The following CATSPER4 variants were observed in gnomAD, a reference collection of about 807,000 sequenced individuals.
CATSPER4 encodes cation channel sperm associated 4, also known as cation channel sperm-associated protein 4.
In CATSPER4, 46 loss-of-function variants were observed where a neutral mutation model predicts 54.4. The observed-to-expected ratio is 0.84, with a 90% CI of 0.67 to 1.08. The LOEUF is 1.08. Among genes scored for constraint, CATSPER4 ranks in the 50% least tolerant of loss-of-function variants. The pLI is 0.00. For synonymous variants in CATSPER4, 230 were observed against 231.9 expected (o/e 0.99, Z 0.08); for missense variants, 574 against 612.8 (o/e 0.94, Z 0.67).
Position 26,201,438 on chromosome 1 carries a change from G to GT in CATSPER4, c.1286dup (p.Leu429PhefsTer24). ...ACAGGCGCTCGTCGACGAGCGGGTC[G>GT]TTGGAGACTACGTCATCCAAGGACA... is the stretch of plus-strand genomic sequence containing the variant. On this transcript the variant is annotated frameshift_variant, in exon 9 of 10. Coordinates refer to ENST00000456354, the MANE Select transcript of CATSPER4 (RefSeq NM_198137.2). LOFTEE classifies it high-confidence loss of function. The GT allele has an allele frequency of 6.2e-7, 1 of 1,613,910 alleles. No homozygotes were observed. The highest frequency in any genetic ancestry group is 2.2e-5 in the East Asian group (1 of 44,838).
chr1:26,198,397 G>C lies in CATSPER4; in HGVS notation c.790G>C (p.Val264Leu). 6.2e-7 allele frequency: 1 copy of C among 1,614,190 alleles called. No homozygotes were observed. The highest frequency in any genetic ancestry group is 8.5e-7 in the Non-Finnish European group (1 of 1,180,034). The change falls in exon 6 of 10, where the codon GTG becomes CTG. Residue 264 changes from valine to leucine, a missense_variant. By Grantham distance (32) the Val-to-Leu change is conservative. Transcript: ENST00000456354. The part of the protein sequence containing the change: ...LFICITQDGW[V>L]DIYSDFQTEK... Reference sequence around the variant, plus strand: ...CATCTGCATCACCCAGGACGGCTGGGTGGACATCTACAGTGACTTCCAGTG... The same window carrying C: ...CATCTGCATCACCCAGGACGGCTGGCTGGACATCTACAGTGACTTCCAGTG...
rs1445906332 is a variant in CATSPER4 at position 26,195,587 on chromosome 1, G to A, written c.459+1699G>A. Among the ~76,000 whole-genome samples, 12 of 150,100 alleles carry A rather than the reference G, an allele frequency of 8.0e-5. No homozygotes were observed. The South Asian group carries it at 2.1e-3, about 26-fold the overall frequency. ...GCGATCTCGGCTCACTGCAAGCTCT[G>A]CCTCCCCGGGTTCACACCATTCTTC... is the stretch of plus-strand genomic sequence containing the variant. On this transcript the variant is annotated intron_variant, in intron 3 of 9. Coordinates refer to ENST00000456354, the MANE Select transcript of CATSPER4 (RefSeq NM_198137.2).
chr1:26,198,588 C>T (rs529586631), intron 6 of CATSPER4, among the ~76,000 whole-genome samples, 169 bp downstream of exon 6: 2 of 152,196 alleles, frequency 1.3e-5, no homozygotes, highest in Non-Finnish European at 2.9e-5. Flanking sequence ...ACTTGTGATA[C>T]CTGAAGCCTT....
Position 26,191,308 on chromosome 1 carries a change from T to C in CATSPER4, c.235T>C (p.Phe79Leu). ...NKADAWDMQE[F>L]ITHMYIKQLL... is the part of the protein sequence containing the mutation. The stretch of plus-strand genomic sequence containing the variant: ...CCAGGACGCCTGGGACATGCAGGAG[T>C]TCATCACTCACATGTACATCAAGCA... Residue 79 changes from phenylalanine (F) to leucine (L), a missense_variant, in exon 2 of 10, where the codon TTC (phenylalanine) becomes CTC (leucine). By Grantham distance (22) the Phe-to-Leu change is conservative. Coordinates refer to ENST00000456354, the MANE Select transcript of CATSPER4 (RefSeq NM_198137.2). 1 of 1,613,768 alleles carries C rather than the reference T, an allele frequency of 6.2e-7. No homozygotes were observed. The highest frequency in any genetic ancestry group is 8.5e-7 in the Non-Finnish European group (1 of 1,179,916).
chr1:26,199,555 C>T (rs890077568), intron 6 of CATSPER4, among the ~76,000 whole-genome samples: 104 of 147,204 alleles, frequency 7.1e-4, no homozygotes, highest in African/African-American at 2.6e-3. Flanking sequence ...GCCGAGATCA[C>T]GCCACTTCAC....
intron 3 of CATSPER4, among the ~76,000 whole-genome samples, chr1:26,194,479 A>G (rs988516307): frequency 6.6e-6 from 1 of 152,202 alleles, no homozygotes; most frequent in Non-Finnish European, 1.5e-5. Context: ...CTCCCAGGCT[A>G]GGTTAGGTGC....
At chr1:26,193,536 G>T (rs901646998) in intron 2 of CATSPER4, among the ~76,000 whole-genome samples, 1 of 152,176 alleles carries the variant, frequency 6.6e-6, no homozygotes. Flanking sequence ...TTCCACTTCT[G>T]TAAGACGGGA....
intron 2 of CATSPER4, among the ~76,000 whole-genome samples, chr1:26,193,275 C>T (rs1279115073): frequency 6.6e-6 from 1 of 152,022 alleles, no homozygotes; most frequent in Non-Finnish European, 1.5e-5. Flanking sequence ...CCATGAGTGG[C>T]AGGATACCCA....
chr1:26,199,190 C>T (rs1166268944), intron 6 of CATSPER4, among the ~76,000 whole-genome samples: 3 of 152,134 alleles, frequency 2.0e-5, no homozygotes, highest in Admixed American at 1.3e-4. Flanking sequence ...GTAATCCCAG[C>T]ACTTTGGGAG....
In CATSPER4 at chr1:26,201,052, G is replaced by A; in HGVS notation, c.1199+11G>A. ...AGATGAACTCAACATGTAGGGGAGG[G>A]TACTGGGGCTGCCCCCAAGTCATGT... On this transcript the variant is annotated intron_variant, in intron 8 of 9. Transcript: ENST00000456354. The A allele has an allele frequency of 6.2e-7, 1 of 1,602,670 alleles. No individual in the cohort carries two copies. Among genetic ancestry groups the A allele is most frequent in the Non-Finnish European group, 8.6e-7 (1 of 1,169,548 alleles).
chr1:26,197,958 G>T lies in CATSPER4; in HGVS notation c.559G>T (p.Ala187Ser), dbSNP rs1294144671. The T allele has an allele frequency of 6.2e-7, 1 of 1,613,090 alleles. No individual in the cohort carries two copies. Among genetic ancestry groups the T allele is most frequent in the African/African-American group, 1.3e-5 (1 of 75,028 alleles). ...CACCCCTGACAGGCTCTGCCACAGG[G>T]CGCTTCGTCTGGTGCATGTGTGCAT... ...NIPSINYTLRALRLVHVCMAV... is the reference protein window; with the variant it reads ...NIPSINYTLRSLRLVHVCMAV... Residue 187 changes from alanine to serine, a missense_variant and splice_region_variant, in exon 5 of 10, where the codon GCG becomes TCG. Physicochemically the swap from Ala to Ser is moderately conservative, Grantham distance 99 (BLOSUM62 1). Transcript: ENST00000456354.
In CATSPER4 at chr1:26,191,448, C is replaced by T. The variant is rs1305690454; in HGVS notation, c.357+18C>T. On this transcript the variant is annotated intron_variant, in intron 2 of 9. Transcript: ENST00000456354. The stretch of plus-strand genomic sequence containing the variant: ...TGGACCAGGTGGGATGCCAGCATGA[C>T]CTCTGCCCCACTAACCCTAATGGGG... The T allele has an allele frequency of 6.2e-7, 1 of 1,613,844 alleles. No homozygotes were observed. Among genetic ancestry groups the T allele is most frequent in the Non-Finnish European group, 8.5e-7 (1 of 1,179,924 alleles).
intron 6 of CATSPER4, among the ~76,000 whole-genome samples, chr1:26,199,083 G>A (rs2124528384): frequency 6.6e-6 from 1 of 152,250 alleles, no homozygotes; most frequent in African/African-American, 2.4e-5. Flanking sequence ...GAGGTGGGCA[G>A]CTCACGAGGT....
intron 6 of CATSPER4, among the ~76,000 whole-genome samples, chr1:26,199,124 A>G (rs1266527736): frequency 6.6e-6 from 1 of 152,048 alleles, no homozygotes; most frequent in Admixed American, 6.6e-5. Flanking sequence ...TAACACAGTG[A>G]AACCCCATCT....
chr1:26,194,912 T>G (rs2088913634), intron 3 of CATSPER4, among the ~76,000 whole-genome samples: 1 of 152,084 alleles, frequency 6.6e-6, no homozygotes, highest in South Asian at 2.1e-4. Context: ...TGGTGAAACC[T>G]CGTCTCTACT....
At chr1:26,192,007 C>T (rs542363306) in intron 2 of CATSPER4, among the ~76,000 whole-genome samples, 31 of 151,700 alleles carry the variant, frequency 2.0e-4, no homozygotes, top group Non-Finnish European at 4.0e-4. Context: ...AAAAAGAGCA[C>T]GTAGGAGTTG....
rs12118976 is a variant in CATSPER4 at position 26,200,819 on chromosome 1, C to G, written c.988-11C>G. 370,877 of 1,611,558 alleles carry G rather than the reference C, an allele frequency of 0.23. 44,794 individuals are homozygous for G. The highest frequency in any genetic ancestry group is 0.33 in the African/African-American group (24,458 of 74,828). On this transcript the variant is annotated splice_polypyrimidine_tract_variant and intron_variant, in intron 7 of 9. Coordinates refer to ENST00000456354, the MANE Select transcript of CATSPER4 (RefSeq NM_198137.2). ...AGCTGTCCCGACCCCTCTCTATCCCCCGCTTCCCAGACAGGCGCAGAGGAA... is the reference window on the plus strand; with the variant it reads ...AGCTGTCCCGACCCCTCTCTATCCCGCGCTTCCCAGACAGGCGCAGAGGAA...
chr1:26,199,992 C>T lies in CATSPER4; in HGVS notation c.921C>T (p.Thr307=), dbSNP rs138388906. 3.3e-5 allele frequency: 53 copies of T among 1,613,900 alleles called. No individual in the cohort carries two copies. Among genetic ancestry groups the T allele is most frequent in the Middle Eastern group, 1.6e-4 (1 of 6,084 alleles). Residue 307 remains threonine (T), a synonymous_variant, in exon 7 of 10, where the codon ACC becomes ACT. Transcript: ENST00000456354. Reference sequence around the variant, plus strand: ...TCAACCTGTTCGTCATCGTGGTGACCACCAACCTGGAGCAAATGATGAAGG... The same window carrying T: ...TCAACCTGTTCGTCATCGTGGTGACTACCAACCTGGAGCAAATGATGAAGG... ...IGINLFVIVV[T]TNLEQMMKAG... is the part of the protein sequence containing the mutation.
At chr1:26,199,838 C>G (rs1273212329) in intron 6 of CATSPER4, 46 bp from the exon 7 acceptor site, 2 of 1,604,458 alleles carry the variant, frequency 1.2e-6, no homozygotes, top group Admixed American at 1.7e-5. Context: ...GAAACTCAGG[C>G]TTGAAGGGCC....
Sources: gnomAD v4.1 joint callset for allele counts (sites outside exome capture counted in the v4.1 genomes callset) on GRCh38, gnomAD v4.1.1 for gene constraint, MANE v1.5 for transcripts, NCBI Gene and HGNC (gene_info 2026-07-23, HGNC 2026-07-21) for gene names.